Variants in EPHA5 observed in about 807,000 individuals in gnomAD.
The protein encoded by EPHA5 is ephrin type-A receptor 5.
In EPHA5, 60 loss-of-function variants were observed where a neutral mutation model predicts 105.0. That is an observed-to-expected ratio of 0.57 (90% CI 0.46 to 0.71). The LOEUF is 0.71. EPHA5 is among the 30% of genes least tolerant of loss of function. The pLI, the probability that EPHA5 is intolerant of heterozygous loss-of-function variation, is 0.00. For synonymous variants in EPHA5, 513 were observed against 449.1 expected, an observed-to-expected ratio of 1.14 and a Z score of -1.80; for missense variants, 1,218 against 1,274.7, an observed-to-expected ratio of 0.96 and a Z score of 0.68.
chr4:65,658,140 C>T (rs554551963), intron 1 of EPHA5, among the ~76,000 whole-genome samples: 23 of 152,084 alleles, frequency 1.5e-4, no homozygotes, highest in African/African-American at 5.5e-4. Flanking sequence ...AATGGGCACA[C>T]AATCCTGGGA....
rs1314692186 is a variant in EPHA5 at position 65,404,435 on chromosome 4, C to G, written c.1732G>C (p.Val578Leu). The change falls in exon 8 of 17, where the codon GTG becomes CTG. Residue 578 changes from valine (V) to leucine (L), a missense_variant. By Grantham distance (32) the Val-to-Leu change is conservative. This residue lies in a region of EPHA5 where 971 missense variants were observed against 1,013.5 expected (regional missense o/e 0.96). Coordinates refer to ENST00000613740, the MANE Select transcript of EPHA5 (RefSeq NM_001281766.3). Reference sequence around the variant, plus strand: ...AAAATGACTCCCACTGTCACAGACACAGCAATTACAGGAATCTGGCTTTGA... The same window carrying G: ...AAAATGACTCCCACTGTCACAGACAGAGCAATTACAGGAATCTGGCTTTGA... Reference protein sequence around the residue: ...SDQSQIPVIAVSVTVGVILLA... With the variant: ...SDQSQIPVIALSVTVGVILLA... 1 of 1,613,786 alleles carries G rather than the reference C, an allele frequency of 6.2e-7. No homozygotes were observed. Among genetic ancestry groups the G allele is most frequent in the Non-Finnish European group, 8.5e-7 (1 of 1,179,798 alleles).
At chr4:65,481,265 A>G (rs1218248986) in intron 5 of EPHA5, among the ~76,000 whole-genome samples, 1 of 152,232 alleles carries the variant, frequency 6.6e-6, no homozygotes, top group African/African-American at 2.4e-5. Flanking sequence ...AAAGGATGAC[A>G]TAGCTATACA....
intron 1 of EPHA5, among the ~76,000 whole-genome samples, chr4:65,661,756 A>G (rs2149551084): frequency 6.6e-6 from 1 of 152,256 alleles, no homozygotes; most frequent in African/African-American, 2.4e-5. Flanking sequence ...TGCCAGCCGG[A>G]TCTGCCTACT....
At chr4:65,583,614 G>A (rs564579339) in intron 3 of EPHA5, among the ~76,000 whole-genome samples, 42 of 151,624 alleles carry the variant, frequency 2.8e-4, no homozygotes, top group Non-Finnish European at 5.3e-4. Context: ...AATGCATATC[G>A]CCTATGGTAC....
chr4:65,588,427 C>T (rs970956275), intron 3 of EPHA5, among the ~76,000 whole-genome samples: 2 of 152,112 alleles, frequency 1.3e-5, no homozygotes, highest in African/African-American at 4.8e-5. Flanking sequence ...TCGTTCCATT[C>T]CCTGTAAGTG....
intron 3 of EPHA5, among the ~76,000 whole-genome samples, chr4:65,515,038 C>T (rs1733971091): frequency 6.6e-6 from 1 of 152,146 alleles, no homozygotes; most frequent in African/African-American, 2.4e-5. Context: ...TCTCCAACTT[C>T]CACCTATTTA....
chr4:65,425,901 T>A (rs895218797), intron 5 of EPHA5, among the ~76,000 whole-genome samples: 1 of 152,182 alleles, frequency 6.6e-6, no homozygotes, highest in African/African-American at 2.4e-5. Context: ...CTGTTGATAA[T>A]CTATAAAATT....
At chr4:65,473,666 G>A (rs1729508013) in intron 5 of EPHA5, among the ~76,000 whole-genome samples, 1 of 151,922 alleles carries the variant, frequency 6.6e-6, no homozygotes, top group Admixed American at 6.6e-5. Context: ...TGACACATGG[G>A]GATTATGGGG....
chr4:65,482,033 C>T (rs971763729), intron 5 of EPHA5, among the ~76,000 whole-genome samples: 5 of 152,190 alleles, frequency 3.3e-5, no homozygotes, highest in Admixed American at 2.0e-4. Flanking sequence ...TGCAGTGGCT[C>T]ATGCCTGTAA....
intron 3 of EPHA5, among the ~76,000 whole-genome samples, chr4:65,584,753 A>T (rs577100523): frequency 3.3e-5 from 5 of 151,972 alleles, no homozygotes; most frequent in Non-Finnish European, 7.4e-5. Flanking sequence ...TCTTTTTACA[A>T]GATAAAAAGG....
intron 3 of EPHA5, among the ~76,000 whole-genome samples, chr4:65,514,518 A>T (rs908440385): frequency 6.6e-6 from 1 of 152,156 alleles, no homozygotes; most frequent in Non-Finnish European, 1.5e-5. Flanking sequence ...CAGACATGTT[A>T]GTGAATCTTG....
chr4:65,605,047 C>A (rs918471647), intron 2 of EPHA5, among the ~76,000 whole-genome samples: 1 of 152,156 alleles, frequency 6.6e-6, no homozygotes, highest in Non-Finnish European at 1.5e-5. Flanking sequence ...CAATGCCATC[C>A]CCTGAGCCCA....
intron 3 of EPHA5, among the ~76,000 whole-genome samples, chr4:65,541,476 A>T (rs558189836): frequency 5.3e-5 from 8 of 152,066 alleles, no homozygotes; most frequent in African/African-American, 1.7e-4. Flanking sequence ...ACAGACTTTA[A>T]ACCAACAAAG....
chr4:65,491,689 AT>A (rs1356192867), intron 4 of EPHA5, among the ~76,000 whole-genome samples: 1 of 152,022 alleles, frequency 6.6e-6, no homozygotes, highest in Non-Finnish European at 1.5e-5. Context: ...GAATCATCTT[AT>A]TTCAATAAGA....
chr4:65,552,360 C>T (rs1453350429), intron 3 of EPHA5, among the ~76,000 whole-genome samples: 2 of 152,224 alleles, frequency 1.3e-5, no homozygotes, highest in African/African-American at 4.8e-5. Context: ...GGCATACCAC[C>T]TTAGTTACGG....
At chr4:65,372,644 G>C (rs1482685856) in intron 8 of EPHA5, among the ~76,000 whole-genome samples, 2 of 151,830 alleles carry the variant, frequency 1.3e-5, no homozygotes, top group Non-Finnish European at 2.9e-5. Context: ...ATATGGGAAT[G>C]ATGTAAGATT....
At chr4:65,622,316 C>T (rs1745774920) in intron 2 of EPHA5, among the ~76,000 whole-genome samples, 1 of 151,764 alleles carries the variant, frequency 6.6e-6, no homozygotes, top group Admixed American at 6.6e-5. Flanking sequence ...TTCATTGCAC[C>T]ATAAGAGCTT....
intron 8 of EPHA5, among the ~76,000 whole-genome samples, chr4:65,387,555 A>T (rs900414262): frequency 6.6e-6 from 1 of 151,912 alleles, no homozygotes; most frequent in African/African-American, 2.4e-5. Flanking sequence ...AATGATTAAT[A>T]ATACATCATT....
At chr4:65,453,137 T>C (rs1727228490) in intron 5 of EPHA5, among the ~76,000 whole-genome samples, 1 of 152,192 alleles carries the variant, frequency 6.6e-6, no homozygotes, top group Admixed American at 6.5e-5. Flanking sequence ...TGAATTTTAC[T>C]ATACCAGCAC....
Sources: allele counts gnomAD v4.1 joint callset (sites outside exome capture counted in the v4.1 genomes callset), GRCh38; gene constraint gnomAD v4.1.1; regional missense constraint gnomAD v4.1.1; transcripts MANE v1.5; gene names NCBI Gene and HGNC (gene_info 2026-07-23, HGNC 2026-07-21).